The following ARHGAP15 variants were observed in gnomAD, a reference collection of about 807,000 sequenced individuals.
ARHGAP15 encodes the protein Rho GTPase activating protein 15.
Under a neutral mutation model 63.7 loss-of-function variants are expected in ARHGAP15, and 51 were observed. The ratio of observed to expected loss-of-function variants is 0.80; its 90% confidence interval spans 0.64 to 1.01. ARHGAP15 has a LOEUF of 1.01. Among genes scored for constraint, ARHGAP15 ranks in the 50% least tolerant of loss-of-function variants. The pLI is 0.00. For missense variants in ARHGAP15, 560 were observed against 564.6 expected (o/e 0.99, Z 0.08); for synonymous variants, 191 against 193.8 (o/e 0.99, Z 0.12).
intron 13 of ARHGAP15, among the ~76,000 whole-genome samples, chr2:143,710,544 G>T (rs1459342792): frequency 6.6e-6 from 1 of 152,076 alleles, no homozygotes; most frequent in Non-Finnish European, 1.5e-5. Context: ...TTTTAAGACG[G>T]GAGTGAAATT....
At chr2:143,761,115 C>A (rs1316546736) in intron 13 of ARHGAP15, among the ~76,000 whole-genome samples, 1 of 151,434 alleles carries the variant, frequency 6.6e-6, no homozygotes, top group Non-Finnish European at 1.5e-5. Context: ...ACAGTTTGTG[C>A]AAATTGAGGG....
chr2:143,722,990 C>T (rs970531187), intron 13 of ARHGAP15, among the ~76,000 whole-genome samples: 1 of 152,182 alleles, frequency 6.6e-6, no homozygotes, highest in African/African-American at 2.4e-5. Flanking sequence ...ATGACACATC[C>T]ATCAATAATG....
intron 6 of ARHGAP15, among the ~76,000 whole-genome samples, chr2:143,428,427 A>G (rs1227252155): frequency 1.3e-5 from 2 of 151,680 alleles, no homozygotes; most frequent in African/African-American, 4.8e-5. Flanking sequence ...AATGATATCA[A>G]GCAGAAGAAT....
At chr2:143,448,192 C>A (rs1001138883) in intron 8 of ARHGAP15, among the ~76,000 whole-genome samples, 1 of 152,034 alleles carries the variant, frequency 6.6e-6, no homozygotes. Flanking sequence ...ATTGGTGAGG[C>A]TGGAATGTGC....
intron 3 of ARHGAP15, among the ~76,000 whole-genome samples, chr2:143,210,749 C>T (rs1242762903): frequency 1.3e-5 from 2 of 152,090 alleles, no homozygotes; most frequent in Admixed American, 6.6e-5. Flanking sequence ...AAATCAAACA[C>T]GCTTATCAAG....
intron 1 of ARHGAP15, among the ~76,000 whole-genome samples, chr2:143,130,312 G>C (rs1380940761): frequency 6.6e-6 from 1 of 152,012 alleles, no homozygotes; most frequent in Non-Finnish European, 1.5e-5. Flanking sequence ...ATGTCTTTGT[G>C]TGCTGTAACA....
chr2:143,351,014 A>G (rs1685545747), intron 6 of ARHGAP15: 2 of 151,670 alleles, frequency 1.3e-5, no homozygotes, highest in Non-Finnish European at 2.9e-5. Context: ...TGGGGCTTAT[A>G]TAGTACCCAG....
intron 6 of ARHGAP15, among the ~76,000 whole-genome samples, chr2:143,284,387 C>T (rs912092257): frequency 2.6e-5 from 4 of 152,198 alleles, no homozygotes; most frequent in African/African-American, 9.6e-5. Flanking sequence ...TATGTTTAAA[C>T]GTTGTCACTG....
chr2:143,330,159 T>TAAAAAAAAAAAAAAAA (rs1684482882), intron 6 of ARHGAP15, among the ~76,000 whole-genome samples: 2 of 113,784 alleles, frequency 1.8e-5, no homozygotes, highest in Non-Finnish European at 1.9e-5. Flanking sequence ...AACTAATGAT[T>TAAAAAAAAAAAAAAAA]AATAATTTCA....
At chr2:143,637,326 T>C (rs1191125199) in intron 12 of ARHGAP15, among the ~76,000 whole-genome samples, 1 of 152,178 alleles carries the variant, frequency 6.6e-6, no homozygotes, top group East Asian at 1.9e-4. Context: ...AATATTATAC[T>C]ATTGGGATCC....
At chr2:143,472,677 C>G (rs1372440917) in intron 8 of ARHGAP15, among the ~76,000 whole-genome samples, 1 of 150,676 alleles carries the variant, frequency 6.6e-6, no homozygotes, top group African/African-American at 2.5e-5. Context: ...CTAGTGAAAG[C>G]TGTAAATTAT....
At chr2:143,537,278 G>T (rs1464839712) in intron 10 of ARHGAP15, among the ~76,000 whole-genome samples, 1 of 152,028 alleles carries the variant, frequency 6.6e-6, no homozygotes, top group Non-Finnish European at 1.5e-5. Context: ...CTGGATATTA[G>T]CCCTTTGTCA....
intron 9 of ARHGAP15, among the ~76,000 whole-genome samples, chr2:143,492,758 T>C (rs1692640253): frequency 6.6e-6 from 1 of 151,906 alleles, no homozygotes; most frequent in Non-Finnish European, 1.5e-5. Context: ...TGAGACTCCC[T>C]TTCTTAAAAA....
chr2:143,328,635 G>C (rs996107850), intron 6 of ARHGAP15, among the ~76,000 whole-genome samples: 6 of 152,096 alleles, frequency 3.9e-5, no homozygotes. Flanking sequence ...CCTAATGTAT[G>C]TGACGAGTTG....
chr2:143,518,531 T>C (rs566067920), intron 9 of ARHGAP15, among the ~76,000 whole-genome samples: 1 of 152,356 alleles, frequency 6.6e-6, no homozygotes, highest in African/African-American at 2.4e-5. Flanking sequence ...GCTTTAAAAA[T>C]AAATGCATGT....
intron 8 of ARHGAP15, among the ~76,000 whole-genome samples, chr2:143,444,033 G>A (rs544602123): frequency 7.9e-5 from 12 of 152,206 alleles, no homozygotes; most frequent in East Asian, 1.9e-4. Context: ...GTCCATTGTC[G>A]TGTATCTCAT....
At chr2:143,267,183 A>G (rs1231122599) in intron 6 of ARHGAP15, among the ~76,000 whole-genome samples, 1 of 152,204 alleles carries the variant, frequency 6.6e-6, no homozygotes. Context: ...CAGTCCCTAC[A>G]CAACTAAATA....
At chr2:143,141,525 A>G (rs1302356757) in intron 1 of ARHGAP15, among the ~76,000 whole-genome samples, 1 of 152,160 alleles carries the variant, frequency 6.6e-6, no homozygotes, top group Admixed American at 6.5e-5. Context: ...CTGCCAAAAT[A>G]TAATAGAAAC....
intron 6 of ARHGAP15, among the ~76,000 whole-genome samples, chr2:143,313,505 C>T (rs907377811): frequency 1.3e-5 from 2 of 152,118 alleles, no homozygotes; most frequent in Non-Finnish European, 1.5e-5. Context: ...TTAACACTAA[C>T]TCCTTTCCCT....
Sources: gnomAD v4.1 joint callset for allele counts (sites outside exome capture counted in the v4.1 genomes callset) on GRCh38, gnomAD v4.1.1 for gene constraint, MANE v1.5 for transcripts, NCBI Gene and HGNC (gene_info 2026-07-23, HGNC 2026-07-21) for gene names.